MYOM2: variants seen among roughly 807,000 people sequenced by gnomAD.
MYOM2 encodes myomesin-2.
A neutral mutation model predicts 187.6 loss-of-function variants in MYOM2; 254 were observed. That is an observed-to-expected ratio of 1.35 (90% CI 1.22 to 1.50). The LOEUF (loss-of-function observed/expected upper bound fraction) is 1.50, where lower values mean the gene tolerates loss of function less well. MYOM2 is among the 40% of genes most tolerant of loss of function. The pLI, the probability that MYOM2 is intolerant of heterozygous loss-of-function variation, is 0.00. For synonymous variants in MYOM2, 981 were observed against 753.8 expected, an observed-to-expected ratio of 1.30 and a Z score of -4.94; for missense variants, 2,796 against 1,924.0, an observed-to-expected ratio of 1.45 and a Z score of -8.48.
At chr8:2,055,510 G>C (rs780981525) in intron 3 of MYOM2, among the ~76,000 whole-genome samples, 2 of 152,046 alleles carry the variant, frequency 1.3e-5, no homozygotes, top group African/African-American at 4.8e-5. Context: ...TGTGTGTGTG[G>C]TCGGAGCGGG....
chr8:2,095,032 C>G lies in MYOM2; in HGVS notation c.2125+941C>G, dbSNP rs184815644. ...CCTTGGATTCACAGGGTTATCTTCCCACTTCAGAGGGAACTATGTGGCTCG... is the reference window on the plus strand; with the variant it reads ...CCTTGGATTCACAGGGTTATCTTCCGACTTCAGAGGGAACTATGTGGCTCG... On this transcript the variant is annotated intron_variant, in intron 17 of 36. Coordinates refer to ENST00000262113, the MANE Select transcript of MYOM2 (RefSeq NM_003970.4). Among the ~76,000 whole-genome samples, 7 of 152,294 alleles carry G rather than the reference C, an allele frequency of 4.6e-5. No homozygotes were observed. In the East Asian group the frequency reaches 1.4e-3, roughly 29 times the overall value.
chr8:2,085,143 C>T, intron 13 of MYOM2, 120 bp from the exon 14 acceptor site: 1 of 1,292,994 alleles, frequency 7.7e-7, no homozygotes, highest in Non-Finnish European at 1.1e-6. Flanking sequence ...GTTTGACTTC[C>T]CCAAATAGAA....
chr8:2,085,221 A>G, intron 13 of MYOM2, 42 bp from the exon 14 acceptor site: 4 of 1,602,168 alleles, frequency 2.5e-6, no homozygotes, highest in Non-Finnish European at 3.4e-6. Context: ...AGCGAGGCTG[A>G]TGGGGGTCCT....
chr8:2,101,729 G>C (rs992388926), intron 20 of MYOM2, among the ~76,000 whole-genome samples: 1 of 152,056 alleles, frequency 6.6e-6, no homozygotes, highest in Admixed American at 6.5e-5. Flanking sequence ...GGTGCCTATT[G>C]TATTATGTCC....
Position 2,106,312 on chromosome 8 carries a change from G to A in MYOM2, c.2805G>A (p.Met935Ile), listed in dbSNP as rs867867066. The change falls in exon 22 of 37, where the codon ATG becomes ATA. Residue 935 changes from methionine to isoleucine, a missense_variant. Coordinates refer to ENST00000262113, the MANE Select transcript of MYOM2 (RefSeq NM_003970.4). ...ATCTGGGCTTCGACTGCCAGGAAAT[G>A]ACAGACGCGTCTCAGTTCACCTGGT... is the stretch of plus-strand genomic sequence containing the variant. ...NIYLGFDCQE[M>I]TDASQFTWCK... 5.0e-6 allele frequency: 8 copies of A among 1,614,180 alleles called. No homozygotes were observed. In the East Asian group the frequency reaches 6.7e-5, roughly 13 times the overall value.
chr8:2,069,645 C>T (rs961934577), intron 8 of MYOM2, 148 bp downstream of exon 8: 8 of 921,156 alleles, frequency 8.7e-6, no homozygotes, highest in Non-Finnish European at 1.4e-5. Flanking sequence ...GCAGTGGTGC[C>T]ATCTCGGCTC....
intron 19 of MYOM2, among the ~76,000 whole-genome samples, chr8:2,099,702 A>G (rs1796617613): frequency 6.6e-6 from 1 of 152,150 alleles, no homozygotes; most frequent in Non-Finnish European, 1.5e-5. Context: ...CCACAGGTTC[A>G]TGTCACCATG....
chr8:2,071,277 G>C (rs914866266), intron 8 of MYOM2, among the ~76,000 whole-genome samples: 1 of 152,112 alleles, frequency 6.6e-6, no homozygotes, highest in African/African-American at 2.4e-5. Flanking sequence ...TTACAGGCAT[G>C]AGCCACTGTA....
At chr8:2,091,477 C>T (rs553335988) in intron 15 of MYOM2, among the ~76,000 whole-genome samples, 279 of 152,280 alleles carry the variant, frequency 1.8e-3, no homozygotes, top group African/African-American at 6.5e-3. Context: ...AGCATGTAAG[C>T]GGAGGCACCC....
At position 2,069,242 on chromosome 8, in the gene MYOM2, G is replaced by C. The variant is rs974405340; in HGVS notation, c.654-36G>C. ...TCGGGTCACTGACTTTTACACAACA[G>C]TCCCGCAGACTTTCTCTTGTTTTTT... On this transcript the variant is annotated intron_variant, in intron 6 of 36. Transcript: ENST00000262113. The C allele has an allele frequency of 9.4e-6, 15 of 1,591,754 alleles. No individual in the cohort carries two copies. In the Admixed American group the frequency reaches 2.4e-4, roughly 25 times the overall value.
At chr8:2,111,216 C>G (rs1342291919) in intron 25 of MYOM2, among the ~76,000 whole-genome samples, 1 of 152,180 alleles carries the variant, frequency 6.6e-6, no homozygotes, top group Non-Finnish European at 1.5e-5. Flanking sequence ...TATTTCACTT[C>G]TTTAATTAGC....
chr8:2,077,347 A>T (rs1819463926), intron 11 of MYOM2, among the ~76,000 whole-genome samples: 1 of 152,096 alleles, frequency 6.6e-6, no homozygotes, highest in Admixed American at 6.6e-5. Context: ...AAAAAACAAA[A>T]CAAAAAAACC....
intron 32 of MYOM2, among the ~76,000 whole-genome samples, chr8:2,132,724 A>C (rs1797919029): frequency 6.6e-6 from 1 of 152,164 alleles, no homozygotes; most frequent in African/African-American, 2.4e-5. Flanking sequence ...CATGCCTCAC[A>C]GTGTCTTTAT....
At chr8:2,135,227 C>G (rs552393772) in intron 32 of MYOM2, among the ~76,000 whole-genome samples, 1 of 152,270 alleles carries the variant, frequency 6.6e-6, no homozygotes, top group East Asian at 1.9e-4. Context: ...AATGTGCATA[C>G]TAGAGTTCAG....
Position 2,144,954 on chromosome 8 carries a change from CG to C in MYOM2, c.4372del (p.Ala1458ArgfsTer54), listed in dbSNP as rs1187574977. The C allele has an allele frequency of 6.2e-6, 10 of 1,614,018 alleles. No individual in the cohort carries two copies. Among genetic ancestry groups the C allele is most frequent in the Non-Finnish European group, 8.5e-6 (10 of 1,180,020 alleles). ...PQQAKPKLIP[A>X]SASAAGQ Reference sequence around the variant, plus strand: ...AGCAAGCCAAGCCCAAGCTCATCCCCGCGTCTGCCTCAGCGGCAGGCCAGTG... The same window carrying C: ...AGCAAGCCAAGCCCAAGCTCATCCCCCGTCTGCCTCAGCGGCAGGCCAGTG... On this transcript the variant is annotated frameshift_variant, in exon 37 of 37. Coordinates refer to ENST00000262113, the MANE Select transcript of MYOM2 (RefSeq NM_003970.4). LOFTEE classifies it low-confidence loss of function (END_TRUNC).
intron 32 of MYOM2, among the ~76,000 whole-genome samples, chr8:2,134,623 C>G (rs76698103): frequency 7.4e-4 from 113 of 152,146 alleles, no homozygotes; most frequent in Non-Finnish European, 1.5e-3. Context: ...AGGCGCTGGC[C>G]TCTCCTCTGT....
At chr8:2,123,191 C>G (rs754901225) in intron 28 of MYOM2, 61 bp from the exon 29 acceptor site, 1 of 1,143,474 alleles carries the variant, frequency 8.7e-7, no homozygotes, top group Non-Finnish European at 1.3e-6. Flanking sequence ...TTCTAATAGA[C>G]TTTCTTTTTC....
intron 6 of MYOM2, among the ~76,000 whole-genome samples, chr8:2,061,123 C>T (rs1032868021): frequency 2.0e-5 from 3 of 151,994 alleles, no homozygotes; most frequent in African/African-American, 7.2e-5. Flanking sequence ...CTGTTGAGGG[C>T]CCACCAAGCC....
At chr8:2,118,651 A>G (rs1482577394) in intron 28 of MYOM2, among the ~76,000 whole-genome samples, 3 of 152,122 alleles carry the variant, frequency 2.0e-5, no homozygotes, top group Non-Finnish European at 4.4e-5. Context: ...GCAGGGAGGG[A>G]CAGAGAAGCT....
Sources: gnomAD v4.1 joint callset for allele counts (sites outside exome capture counted in the v4.1 genomes callset) on GRCh38, gnomAD v4.1.1 for gene constraint, MANE v1.5 for transcripts, NCBI Gene and HGNC (gene_info 2026-07-23, HGNC 2026-07-21) for gene names.